Variants in SLC25A10 observed in about 807,000 individuals in gnomAD.
SLC25A10 encodes mitochondrial dicarboxylate carrier.
In SLC25A10, 32 loss-of-function variants were observed where a neutral mutation model predicts 40.4. The ratio of observed to expected loss-of-function variants is 0.79; its 90% CI spans 0.60 to 1.06. The LOEUF (loss-of-function observed/expected upper bound fraction) is 1.06, where lower values mean the gene tolerates loss of function less well. SLC25A10 is among the 50% of genes least tolerant of loss of function. The pLI, the probability that SLC25A10 is intolerant of heterozygous loss-of-function variation, is 0.00. For synonymous variants in SLC25A10, 181 were observed against 171.1 expected (o/e 1.06, Z -0.45); for missense variants, 394 against 402.6 (o/e 0.98, Z 0.18).
intron 2 of SLC25A10, 109 bp downstream of exon 2, chr17:81,715,181 C>A: frequency 6.8e-7 from 1 of 1,479,078 alleles, no homozygotes; most frequent in East Asian, 2.4e-5. Context: ...AAGGACCCAC[C>A]AGGCCGAGAG....
chr17:81,716,925 T>C, intron 6 of SLC25A10, 70 bp downstream of exon 6: 1 of 1,604,966 alleles, frequency 6.2e-7, no homozygotes, highest in Non-Finnish European at 8.5e-7. Flanking sequence ...TGTAGAAGAC[T>C]GGGCGCTGAG....
In SLC25A10 at chr17:81,715,759, C is replaced by T. The variant is rs774114677; in HGVS notation, c.377+18C>T. On this transcript the variant is annotated intron_variant, in intron 4 of 10. Transcript: ENST00000350690. ...AACGTCAGGTTGGTGTTCCCCCACC[C>T]CACCTGCAAGGCCAGGGGCTTTCTT... is the stretch of plus-strand genomic sequence containing the variant. The T allele has an allele frequency of 6.2e-7, 1 of 1,612,948 alleles. No homozygotes were observed. The highest frequency in any genetic ancestry group is 8.5e-7 in the Non-Finnish European group (1 of 1,179,820).
chr17:81,715,173 G>A lies in SLC25A10; in HGVS notation c.213+101G>A, dbSNP rs73354160. The A allele has an allele frequency of 6.9e-3, 10,315 of 1,497,222 alleles. 617 individuals carry two copies. The African/African-American group carries it at 0.12, about 18-fold the overall frequency. The allele number at this position is 1,497,222 out of a possible 1,614,324, so 92.7% of individuals were successfully genotyped here. A position where few individuals can be genotyped will look rare whatever the true frequency, so the allele number is the denominator to read the frequency against. ...CCTTTTCAAGACTTTGTGCAAGGAA[G>A]GACCCACCAGGCCGAGAGCTGGTGA... On this transcript the variant is annotated intron_variant, in intron 2 of 10. Transcript: ENST00000350690.
chr17:81,719,134 T>C (rs1044533542), intron 9 of SLC25A10, among the ~76,000 whole-genome samples: 1 of 151,442 alleles, frequency 6.6e-6, no homozygotes, highest in African/African-American at 2.4e-5. Flanking sequence ...GGTTTCACCA[T>C]GTCGGCCAGG....
rs2037568686 is a variant in SLC25A10 at position 81,720,378 on chromosome 17, C to T, written c.*301C>T. The T allele has an allele frequency of 2.1e-6, 3 of 1,408,872 alleles. No individual in the cohort carries two copies. Among genetic ancestry groups the T allele is most frequent in the South Asian group, 1.6e-5 (1 of 61,708 alleles). 87.3% of individuals were successfully genotyped at this position (1,408,872 alleles called of 1,614,324 possible). ...CAGGGGCTACCAGAGGCTGATTTCT[C>T]CCCTCTCCTGGGCCAGGGGAGGGGT... On this transcript the variant is annotated 3_prime_UTR_variant, in exon 11 of 11. Coordinates refer to ENST00000350690, the MANE Select transcript of SLC25A10 (RefSeq NM_012140.5).
chr17:81,712,318 CG>C lies in SLC25A10; in HGVS notation c.-108del. 1.4e-6 allele frequency: 1 copy of C among 702,014 alleles called. No homozygotes were observed. The highest frequency in any genetic ancestry group is 1.9e-6 in the Non-Finnish European group (1 of 532,624). 43.5% of individuals were successfully genotyped at this position (702,014 alleles called of 1,614,324 possible). The stretch of plus-strand genomic sequence containing the variant: ...GTGCGGGGTGCGGGCGCGCGGGCGG[CG>C]CTTTGAACCGGGCGCGGGGCGCGGG... On this transcript the variant is annotated 5_prime_UTR_variant, in exon 1 of 11. Coordinates refer to ENST00000350690, the MANE Select transcript of SLC25A10 (RefSeq NM_012140.5).
intron 1 of SLC25A10, among the ~76,000 whole-genome samples, chr17:81,712,865 C>T (rs2037411228): frequency 6.6e-6 from 1 of 152,258 alleles, no homozygotes; most frequent in African/African-American, 2.4e-5. Flanking sequence ...CATTCAAGAA[C>T]GCTCCTTCCG....
chr17:81,714,919 T>C, intron 1 of SLC25A10, 34 bp from the exon 2 acceptor site: 1 of 1,600,596 alleles, frequency 6.2e-7, no homozygotes, highest in Non-Finnish European at 8.5e-7. Flanking sequence ...TCCCTCGGGG[T>C]CGCTGTGGGG....
Position 81,712,478 on chromosome 17 carries a change from T to C in SLC25A10, c.52T>C (p.Cys18Arg). 7.7e-7 allele frequency: 1 copy of C among 1,303,318 alleles called. No homozygotes were observed. The highest frequency in any genetic ancestry group is 2.3e-5 in the South Asian group (1 of 43,390). The allele number at this position is 1,303,318 out of a possible 1,614,324, so 80.7% of individuals were successfully genotyped here. Residue 18 changes from cysteine (C) to arginine (R), a missense_variant, in exon 1 of 11, where the codon TGC (cysteine) becomes CGC (arginine). Coordinates refer to ENST00000350690, the MANE Select transcript of SLC25A10 (RefSeq NM_012140.5). ...SRWYFGGLAS[C>R]GAACCTHPLD... is the part of the protein sequence containing the mutation. ...CTGGTACTTCGGGGGGCTGGCCTCC[T>C]GCGGGGCCGCCTGCTGCACGCACCC...
intron 9 of SLC25A10, among the ~76,000 whole-genome samples, chr17:81,719,440 C>T (rs2037547798): frequency 6.6e-6 from 1 of 152,190 alleles, no homozygotes; most frequent in African/African-American, 2.4e-5. Flanking sequence ...TGCTCTGGGT[C>T]TCCTGTCTTG....
In SLC25A10 at chr17:81,712,487, G is replaced by A; in HGVS notation, c.61G>A (p.Ala21Thr). The A allele has an allele frequency of 2.3e-6, 3 of 1,300,250 alleles. No homozygotes were observed. The highest frequency in any genetic ancestry group is 2.9e-6 in the Non-Finnish European group (3 of 1,026,226). 80.5% of individuals were successfully genotyped at this position (1,300,250 alleles called of 1,614,324 possible). A position where few individuals can be genotyped will look rare whatever the true frequency, so the allele number is the denominator to read the frequency against. The change falls in exon 1 of 11, where the codon GCC becomes ACC. Residue 21 changes from alanine (A) to threonine (T), a missense_variant. By Grantham distance (58) the Ala-to-Thr change is moderately conservative. Coordinates refer to ENST00000350690, the MANE Select transcript of SLC25A10 (RefSeq NM_012140.5). ...CGGGGGGCTGGCCTCCTGCGGGGCC[G>A]CCTGCTGCACGCACCCGCTGGACCT... ...YFGGLASCGA[A>T]CCTHPLDLLK... is the part of the protein sequence containing the mutation.
intron 8 of SLC25A10, 93 bp downstream of exon 8, chr17:81,717,584 G>A: frequency 6.8e-7 from 1 of 1,471,298 alleles, no homozygotes; most frequent in Non-Finnish European, 9.5e-7. Context: ...GGAGGCGGGG[G>A]CCTTGGGCAT....
intron 1 of SLC25A10, among the ~76,000 whole-genome samples, chr17:81,714,438 G>A (rs941048675): frequency 2.6e-5 from 4 of 152,200 alleles, no homozygotes; most frequent in African/African-American, 9.7e-5. Flanking sequence ...CAGCCACACC[G>A]TCCCCTTGTC....
intron 5 of SLC25A10, 149 bp downstream of exon 5, chr17:81,716,199 A>C: frequency 1.2e-6 from 1 of 820,954 alleles, no homozygotes; most frequent in Admixed American, 2.8e-5. Context: ...GCTGTTCTGG[A>C]CTCGGGGGTG....
chr17:81,713,755 GT>G (rs2037427548), intron 1 of SLC25A10, among the ~76,000 whole-genome samples: 1 of 152,228 alleles, frequency 6.6e-6, no homozygotes, highest in Admixed American at 6.5e-5. Flanking sequence ...CGGGACCTGC[GT>G]GCTGCTGTCC....
At position 81,720,431 on chromosome 17, in the gene SLC25A10, C is replaced by G; in HGVS notation, c.*354C>G. 7.3e-7 allele frequency: 1 copy of G among 1,368,734 alleles called. No individual in the cohort carries two copies. The allele number at this position is 1,368,734 out of a possible 1,614,324, so 84.8% of individuals were successfully genotyped here. ...TATCCCTGCCTCCTGCCCCCGATGCCCAAAGCAGCATCTTCCAGCACTTTC... is the reference window on the plus strand; with the variant it reads ...TATCCCTGCCTCCTGCCCCCGATGCGCAAAGCAGCATCTTCCAGCACTTTC... On this transcript the variant is annotated 3_prime_UTR_variant, in exon 11 of 11. Transcript: ENST00000350690.
At chr17:81,714,650 C>G (rs1009513848) in intron 1 of SLC25A10, among the ~76,000 whole-genome samples, 11 of 152,216 alleles carry the variant, frequency 7.2e-5, no homozygotes, top group Admixed American at 2.0e-4. Context: ...CGTTACCTCT[C>G]CATGCCTCAG....
intron 1 of SLC25A10, 122 bp downstream of exon 1, chr17:81,712,641 GCGCGAGGAGGCCCCCGACGCCC>G (rs2037405558): frequency 3.0e-5 from 20 of 674,068 alleles, no homozygotes; most frequent in Non-Finnish European, 3.9e-5. Context: ...CTCCTGGAGA[GCGCGAGGAGGCCCCCGACGCCC>G]GGATGGCCGA....
chr17:81,716,331 G>A (rs755916990), intron 5 of SLC25A10, among the ~76,000 whole-genome samples: 28 of 152,198 alleles, frequency 1.8e-4, no homozygotes, highest in Non-Finnish European at 4.0e-4. Context: ...GGCATGGAGA[G>A]AGCGCATGCA....
Sources: gnomAD v4.1 joint callset for allele counts (sites outside exome capture counted in the v4.1 genomes callset) on GRCh38, gnomAD v4.1.1 for gene constraint, MANE v1.5 for transcripts, NCBI Gene and HGNC (gene_info 2026-07-23, HGNC 2026-07-21) for gene names.